Variants in WWOX observed in about 807,000 individuals in gnomAD.
WWOX encodes WW domain containing oxidoreductase.
WWOX carries 69 observed loss-of-function variants against 46.2 expected under a neutral mutation model. The observed-to-expected ratio is 1.49, with a 90% CI of 1.23 to 1.82. The LOEUF (loss-of-function observed/expected upper bound fraction) is 1.82. WWOX is among the 40% of genes most tolerant of loss of function. The pLI is 0.00. For missense variants in WWOX, 919 were observed against 542.6 expected, an observed-to-expected ratio of 1.69 and a Z score of -6.89; for synonymous variants, 359 against 202.6, an observed-to-expected ratio of 1.77 and a Z score of -6.56.
At position 78,518,239 on chromosome 16, in the gene WWOX, G is replaced by A. The variant is rs547131822; in HGVS notation, c.1056+85487G>A. Among the ~76,000 whole-genome samples the A allele has an allele frequency of 6.8e-4, 103 of 152,098 alleles. 1 individual carries two copies. Among genetic ancestry groups the A allele is most frequent in the Non-Finnish European group, 1.2e-3 (81 of 67,982 alleles). On this transcript the variant is annotated intron_variant, in intron 8 of 8. Coordinates refer to ENST00000566780, the MANE Select transcript of WWOX (RefSeq NM_016373.4). ...TTATTATTAATGTTATTTTTTGTTTGTTTGTTTTTTGAGATGGAGTCTTGC... is the reference window on the plus strand; with the variant it reads ...TTATTATTAATGTTATTTTTTGTTTATTTGTTTTTTGAGATGGAGTCTTGC...
chr16:78,799,986 C>G (rs2050843865), intron 8 of WWOX, among the ~76,000 whole-genome samples: 1 of 152,128 alleles, frequency 6.6e-6, no homozygotes, highest in Admixed American at 6.5e-5. Flanking sequence ...GTCTGAGGTT[C>G]CGATGAACTC....
intron 5 of WWOX, among the ~76,000 whole-genome samples, chr16:78,370,773 T>C (rs955607615): frequency 1.9e-5 from 1 of 52,422 alleles, no homozygotes; most frequent in Admixed American, 3.1e-4. Flanking sequence ...CTTTAAACTT[T>C]TTTTCTTTTT....
chr16:78,731,773 G>T (rs2048974581), intron 8 of WWOX, among the ~76,000 whole-genome samples: 1 of 151,684 alleles, frequency 6.6e-6, no homozygotes, highest in Admixed American at 6.6e-5. Flanking sequence ...AATCCACTCT[G>T]CAGTTGTTTT....
chr16:79,188,776 C>G (rs953477478), intron 8 of WWOX, among the ~76,000 whole-genome samples: 1 of 152,188 alleles, frequency 6.6e-6, no homozygotes, highest in African/African-American at 2.4e-5. Context: ...CACATTCTTC[C>G]CTACAGACAA....
At chr16:78,826,632 T>C (rs1039641613) in intron 8 of WWOX, among the ~76,000 whole-genome samples, 1 of 152,222 alleles carries the variant, frequency 6.6e-6, no homozygotes, top group African/African-American at 2.4e-5. Flanking sequence ...AGGGTCTTCC[T>C]GGCTGATCTC....
intron 5 of WWOX, among the ~76,000 whole-genome samples, chr16:78,166,409 T>C (rs2034972922): frequency 6.6e-6 from 1 of 152,236 alleles, no homozygotes; most frequent in Non-Finnish European, 1.5e-5. Context: ...GGGCCTAAAC[T>C]ATGCTGCTGT....
At chr16:78,360,651 C>T (rs1477961370) in intron 5 of WWOX, among the ~76,000 whole-genome samples, 3 of 43,918 alleles carry the variant, frequency 6.8e-5, no homozygotes, top group African/African-American at 1.2e-4. Flanking sequence ...GTAATTTTAG[C>T]AGTTTACCTA....
intron 5 of WWOX, among the ~76,000 whole-genome samples, chr16:78,197,726 A>G (rs1197049063): frequency 6.6e-6 from 1 of 152,170 alleles, no homozygotes; most frequent in Non-Finnish European, 1.5e-5. Flanking sequence ...AACCCCATGA[A>G]AAGGATGTCA....
At chr16:78,743,951 T>C (rs1597532424) in intron 8 of WWOX, among the ~76,000 whole-genome samples, 1 of 152,338 alleles carries the variant, frequency 6.6e-6, no homozygotes, top group East Asian at 1.9e-4. Context: ...TGGAGTGTAC[T>C]TTCCTTTTCA....
intron 8 of WWOX, among the ~76,000 whole-genome samples, chr16:79,152,538 G>A (rs1028725017): frequency 7.2e-5 from 11 of 152,072 alleles, no homozygotes; most frequent in African/African-American, 2.4e-4. Flanking sequence ...GGGCGTGGTG[G>A]CGTGTTCCTG....
intron 8 of WWOX, among the ~76,000 whole-genome samples, chr16:79,051,903 C>G (rs1044209821): frequency 6.6e-6 from 1 of 152,214 alleles, no homozygotes; most frequent in Non-Finnish European, 1.5e-5. Context: ...TTATACTGGT[C>G]CAAGCAAGCA....
At chr16:78,403,595 T>A (rs965033259) in intron 6 of WWOX, among the ~76,000 whole-genome samples, 1 of 152,194 alleles carries the variant, frequency 6.6e-6, no homozygotes, top group African/African-American at 2.4e-5. Flanking sequence ...GGTTGCATTT[T>A]ATGTATTCAG....
At chr16:79,126,511 C>T (rs2049758647) in intron 8 of WWOX, among the ~76,000 whole-genome samples, 1 of 152,158 alleles carries the variant, frequency 6.6e-6, no homozygotes, top group African/African-American at 2.4e-5. Context: ...ATTCTCCCTC[C>T]TGCCGCCTTG....
At chr16:78,922,984 C>CTTTTTTTCTTTT (rs1555569184) in intron 8 of WWOX, among the ~76,000 whole-genome samples, 1 of 141,528 alleles carries the variant, frequency 7.1e-6, no homozygotes, top group African/African-American at 2.6e-5. Flanking sequence ...TTTCTCTTTT[C>CTTTTTTTCTTTT]TTTTTTTTTT....
At chr16:79,118,965 G>A (rs2049573423) in intron 8 of WWOX, among the ~76,000 whole-genome samples, 1 of 152,144 alleles carries the variant, frequency 6.6e-6, no homozygotes, top group Non-Finnish European at 1.5e-5. Context: ...GGTGTCATAA[G>A]GAGTGTTGTG....
At chr16:78,762,173 T>C (rs1382052762) in intron 8 of WWOX, among the ~76,000 whole-genome samples, 1 of 152,180 alleles carries the variant, frequency 6.6e-6, no homozygotes, top group Non-Finnish European at 1.5e-5. Context: ...AAGTGGTGAA[T>C]TGATTTGACC....
At chr16:78,627,286 A>C (rs2738576) in intron 8 of WWOX, among the ~76,000 whole-genome samples, 118,318 of 152,084 alleles carry the variant, frequency 0.78, 46,063 homozygotes, top group Middle Eastern at 0.82. Flanking sequence ...TGATTGGCCA[A>C]CTAGTCTGGT....
intron 6 of WWOX, among the ~76,000 whole-genome samples, chr16:78,409,566 G>C (rs773557358): frequency 6.6e-6 from 1 of 152,088 alleles, no homozygotes; most frequent in East Asian, 1.9e-4. Context: ...ACTTAAAACA[G>C]CAAACATACA....
intron 4 of WWOX, among the ~76,000 whole-genome samples, chr16:78,149,523 T>G (rs1274316179): frequency 1.3e-5 from 2 of 152,164 alleles, no homozygotes; most frequent in Non-Finnish European, 2.9e-5. Flanking sequence ...GCAGGTAGGT[T>G]TATGTAATAC....
Sources: allele counts gnomAD v4.1 joint callset (sites outside exome capture counted in the v4.1 genomes callset), GRCh38; gene constraint gnomAD v4.1.1; transcripts MANE v1.5; gene names NCBI Gene and HGNC (gene_info 2026-07-23, HGNC 2026-07-21).